The following MDGA2 variants were observed in gnomAD, a reference collection of about 807,000 sequenced individuals.
MDGA2 encodes the protein MAM domain containing glycosylphosphatidylinositol anchor 2.
A neutral mutation model predicts 117.8 loss-of-function variants in MDGA2; 40 were observed. The ratio of observed to expected loss-of-function variants is 0.34; its 90% CI spans 0.26 to 0.44. The LOEUF (loss-of-function observed/expected upper bound fraction) is 0.44, where lower values mean the gene tolerates loss of function less well. Among genes scored for constraint, MDGA2 ranks in the 20% least tolerant of loss-of-function variants. MDGA2 has a pLI of 1.00. For missense variants in MDGA2, 1,123 were observed against 1,250.6 expected, an observed-to-expected ratio of 0.90 and a Z score of 1.54; for synonymous variants, 452 against 439.0, an observed-to-expected ratio of 1.03 and a Z score of -0.37.
intron 1 of MDGA2, among the ~76,000 whole-genome samples, chr14:47,520,651 A>G (rs1408842266): frequency 1.3e-5 from 2 of 152,216 alleles, no homozygotes; most frequent in East Asian, 3.8e-4. Context: ...TAACAATTCC[A>G]TTAAAATAAA....
intron 8 of MDGA2, among the ~76,000 whole-genome samples, chr14:46,988,795 T>C (rs117985641): frequency 0.014 from 2,066 of 152,200 alleles, 20 homozygotes; most frequent in Non-Finnish European, 0.022. Context: ...GAATGAGATG[T>C]ATTTCAGAAT....
intron 7 of MDGA2, among the ~76,000 whole-genome samples, chr14:47,055,103 A>G (rs1889627604): frequency 6.7e-6 from 1 of 148,780 alleles, no homozygotes; most frequent in Non-Finnish European, 1.5e-5. Flanking sequence ...TCTCCAAATG[A>G]TTCACTGACT....
intron 1 of MDGA2, among the ~76,000 whole-genome samples, chr14:47,401,552 T>C (rs10483572): frequency 0.11 from 16,773 of 152,214 alleles, 1,143 homozygotes; most frequent in Non-Finnish European, 0.13. Context: ...TTTGGTTATG[T>C]TTGCACATCA....
intron 8 of MDGA2, among the ~76,000 whole-genome samples, chr14:46,979,765 T>C (rs1053100114): frequency 6.6e-6 from 1 of 152,172 alleles, no homozygotes; most frequent in African/African-American, 2.4e-5. Context: ...CAAAGGTTGA[T>C]TGATGGTGTT....
At chr14:47,270,711 A>C (rs1376547255) in intron 2 of MDGA2, among the ~76,000 whole-genome samples, 1 of 152,140 alleles carries the variant, frequency 6.6e-6, no homozygotes, top group African/African-American at 2.4e-5. Flanking sequence ...AGTAATCATC[A>C]CTGTAAGAAA....
At chr14:46,963,337 C>T (rs993047321) in intron 8 of MDGA2, among the ~76,000 whole-genome samples, 3 of 152,194 alleles carry the variant, frequency 2.0e-5, no homozygotes, top group Non-Finnish European at 4.4e-5. Context: ...CTTTTGTTCT[C>T]TCATTCTTCT....
chr14:47,244,332 C>A (rs1887168167), intron 2 of MDGA2, among the ~76,000 whole-genome samples: 1 of 151,654 alleles, frequency 6.6e-6, no homozygotes, highest in African/African-American at 2.4e-5. Context: ...AAGTTATGTA[C>A]CCTCTGGAAT....
At position 47,564,958 on chromosome 14, in the gene MDGA2, C is replaced by G. The variant is rs145026538; in HGVS notation, c.280+109559G>C. On this transcript the variant is annotated intron_variant, in intron 1 of 16. Transcript: ENST00000399232. ...TTGTTGAGTTTTTCAACTCCATCAG[C>G]TCAGTTTGGCTCTTTCTTAAAATGG... Among the ~76,000 whole-genome samples, 83 of 152,186 alleles carry G rather than the reference C, an allele frequency of 5.5e-4. 1 individual carries two copies. Among genetic ancestry groups the G allele is most frequent in the African/African-American group, 1.9e-3 (78 of 41,508 alleles).
chr14:47,406,785 G>A (rs1286671385), intron 1 of MDGA2, among the ~76,000 whole-genome samples: 2 of 151,850 alleles, frequency 1.3e-5, no homozygotes, highest in Non-Finnish European at 2.9e-5. Context: ...TTAAAGCACT[G>A]CATCCTTACT....
At chr14:47,430,282 G>T (rs1892773534) in intron 1 of MDGA2, among the ~76,000 whole-genome samples, 1 of 152,014 alleles carries the variant, frequency 6.6e-6, no homozygotes. Flanking sequence ...CTGATGAGTT[G>T]ATCAGAAATT....
chr14:46,845,128 C>A (rs897973751), intron 16 of MDGA2, among the ~76,000 whole-genome samples: 1 of 152,170 alleles, frequency 6.6e-6, no homozygotes, highest in Non-Finnish European at 1.5e-5. Context: ...TGTGATCCAC[C>A]CGCCTCGGCC....
intron 1 of MDGA2, among the ~76,000 whole-genome samples, chr14:47,606,298 G>A (rs111634580): frequency 1.6e-3 from 249 of 152,154 alleles, no homozygotes; most frequent in African/African-American, 5.7e-3. Context: ...TTAATCCCAC[G>A]TAATTTCTTC....
chr14:47,346,972 GGAAAGA>G (rs1268763211), intron 1 of MDGA2, among the ~76,000 whole-genome samples: 2 of 152,166 alleles, frequency 1.3e-5, no homozygotes, highest in Non-Finnish European at 2.9e-5. Flanking sequence ...ATCTGAAAAT[GGAAAGA>G]TGAGACTAAT....
intron 2 of MDGA2, among the ~76,000 whole-genome samples, chr14:47,218,763 A>G (rs1179868661): frequency 1.3e-5 from 2 of 152,100 alleles, no homozygotes; most frequent in Non-Finnish European, 2.9e-5. Flanking sequence ...TAAGCCCACA[A>G]ATGATTTGTC....
chr14:47,577,821 A>C (rs545246888), intron 1 of MDGA2, among the ~76,000 whole-genome samples: 50 of 152,326 alleles, frequency 3.3e-4, no homozygotes, highest in African/African-American at 1.1e-3. Flanking sequence ...TTCTGTTGGT[A>C]GGAATGTAAA....
chr14:46,967,398 T>C (rs755071994), intron 8 of MDGA2, among the ~76,000 whole-genome samples: 2 of 152,172 alleles, frequency 1.3e-5, no homozygotes, highest in Non-Finnish European at 2.9e-5. Context: ...TTAAGGAAAA[T>C]TGTGCTCATA....
intron 9 of MDGA2, among the ~76,000 whole-genome samples, chr14:46,941,375 G>A (rs979125232): frequency 1.3e-5 from 2 of 152,150 alleles, no homozygotes; most frequent in Non-Finnish European, 2.9e-5. Context: ...TCAACTTAGA[G>A]CCCTGTCACA....
At chr14:47,402,330 ACCCCCG>A (rs1892167598) in intron 1 of MDGA2, among the ~76,000 whole-genome samples, 2 of 17,166 alleles carry the variant, frequency 1.2e-4, no homozygotes, top group Non-Finnish European at 1.3e-4. Flanking sequence ...AACCCCAGAA[ACCCCCG>A]CCCCCCCACC....
rs188728593 is a variant in MDGA2, at chr14:47,594,920, T to C, written c.280+79597A>G. Among the ~76,000 whole-genome samples the C allele has an allele frequency of 2.5e-3, 287 of 113,780 alleles. 1 individual carries two copies. The highest frequency in any genetic ancestry group is 9.2e-3 in the African/African-American group (275 of 30,032). The allele number at this position is 113,780 out of a possible 152,430, so 74.6% of individuals were successfully genotyped here. On this transcript the variant is annotated intron_variant, in intron 1 of 16. Transcript: ENST00000399232. ...CACAAATTATCTATCAACTCCCTGA[T>C]TTCCTCCATCTCCCTCAAACCTTTT...
Sources: allele counts gnomAD v4.1 joint callset (sites outside exome capture counted in the v4.1 genomes callset), GRCh38; gene constraint gnomAD v4.1.1; transcripts MANE v1.5; gene names NCBI Gene and HGNC (gene_info 2026-07-23, HGNC 2026-07-21).